The following EPB41L4A variants were observed in gnomAD, a reference collection of about 807,000 sequenced individuals.
The protein encoded by EPB41L4A is band 4.1-like protein 4A.
EPB41L4A carries 100 observed loss-of-function variants against 108.6 expected under a neutral mutation model. That is an observed-to-expected ratio of 0.92 (90% CI 0.78 to 1.09). EPB41L4A has a LOEUF of 1.09. Among genes scored for constraint, EPB41L4A ranks in the 50% least tolerant of loss-of-function variants. EPB41L4A has a pLI of 0.00. For synonymous variants in EPB41L4A, 319 were observed against 289.0 expected (o/e 1.10, Z -1.05); for missense variants, 1,030 against 842.7 (o/e 1.22, Z -2.75).
At chr5:112,232,128 A>AAAG (rs1554081818) in intron 12 of EPB41L4A, among the ~76,000 whole-genome samples, 3 of 145,322 alleles carry the variant, frequency 2.1e-5, no homozygotes, top group Non-Finnish European at 3.0e-5. Context: ...AAAAAAAAAA[A>AAAG]AGAGAGAGAG....
At chr5:112,391,224 T>C (rs375902422) in intron 1 of EPB41L4A, among the ~76,000 whole-genome samples, 1 of 152,150 alleles carries the variant, frequency 6.6e-6, no homozygotes, top group African/African-American at 2.4e-5. Context: ...GAGAATGACT[T>C]TGATGAGTTG....
upstream of EPB41L4A, chr5:112,419,598 A>G (rs1027869296): frequency 1.5e-5 from 7 of 454,676 alleles, no homozygotes; most frequent in South Asian, 7.8e-5. Context: ...TCCGCCGAGT[A>G]TGAAGCGCTC....
chr5:112,395,886 A>G (rs939995699), intron 1 of EPB41L4A, among the ~76,000 whole-genome samples: 1 of 152,356 alleles, frequency 6.6e-6, no homozygotes, highest in Non-Finnish European at 1.5e-5. Context: ...AAAATGTGGC[A>G]CATTATACAC....
At chr5:112,328,025 G>A (rs1029940349) in intron 1 of EPB41L4A, among the ~76,000 whole-genome samples, 2 of 152,172 alleles carry the variant, frequency 1.3e-5, no homozygotes, top group African/African-American at 4.8e-5. Context: ...TATTGGGGGA[G>A]AAGGCCGGAC....
rs374835800 is a variant in EPB41L4A at position 112,411,077 on chromosome 5, T to C, written c.99+7864A>G. The stretch of plus-strand genomic sequence containing the variant: ...TTTGCAATGGTATCTCCATAACTGG[T>C]GACCAAAGCATCTTTACTGATAGAG... On this transcript the variant is annotated intron_variant, in intron 1 of 22. Transcript: ENST00000261486. 1.8e-4 allele frequency among the ~76,000 whole-genome samples: 28 copies of C among 152,284 alleles called. 1 individual carries two copies. The highest frequency in any genetic ancestry group is 1.3e-3 in the East Asian group (7 of 5,188).
chr5:112,227,685 CA>C (rs1748567119), intron 12 of EPB41L4A, among the ~76,000 whole-genome samples: 1 of 152,220 alleles, frequency 6.6e-6, no homozygotes, highest in South Asian at 2.1e-4. Flanking sequence ...TTGACTGCCA[CA>C]AGCCACACTG....
rs566812322 is a variant in EPB41L4A, at chr5:112,373,679, T to C, written c.99+45262A>G. ...AGCCAGCAAGTGGCAGAGCCAGGGTTAGAACCCAGGAAGTCTGGCTGCAGT... is the reference window on the plus strand; with the variant it reads ...AGCCAGCAAGTGGCAGAGCCAGGGTCAGAACCCAGGAAGTCTGGCTGCAGT... On this transcript the variant is annotated intron_variant, in intron 1 of 22. Coordinates refer to ENST00000261486, the MANE Select transcript of EPB41L4A (RefSeq NM_022140.5). 7.2e-5 allele frequency among the ~76,000 whole-genome samples: 11 copies of C among 152,320 alleles called. No individual in the cohort carries two copies. In the South Asian group the frequency reaches 2.1e-3, roughly 29 times the overall value.
intron 11 of EPB41L4A, among the ~76,000 whole-genome samples, chr5:112,238,224 G>A (rs1171818216): frequency 6.6e-6 from 1 of 152,138 alleles, no homozygotes. Context: ...AACAGTCCAA[G>A]TACTGACTAT....
chr5:112,229,708 G>A (rs576404867), intron 12 of EPB41L4A, among the ~76,000 whole-genome samples: 11 of 152,186 alleles, frequency 7.2e-5, no homozygotes, highest in African/African-American at 2.4e-4. Context: ...CGGTCTCCAG[G>A]CCAGGCACGG....
At chr5:112,214,625 G>C (rs1229854853) in intron 12 of EPB41L4A, among the ~76,000 whole-genome samples, 1 of 152,174 alleles carries the variant, frequency 6.6e-6, no homozygotes, top group Non-Finnish European at 1.5e-5. Flanking sequence ...ATTTAGCCAG[G>C]TGTGGTGGTG....
chr5:112,404,245 T>A (rs1761951349), intron 1 of EPB41L4A, among the ~76,000 whole-genome samples: 1 of 152,232 alleles, frequency 6.6e-6, no homozygotes, highest in Non-Finnish European at 1.5e-5. Context: ...ATTTACCATG[T>A]TATCATGTGC....
intron 15 of EPB41L4A, among the ~76,000 whole-genome samples, chr5:112,199,041 T>A (rs749840214): frequency 1.3e-5 from 2 of 152,088 alleles, no homozygotes; most frequent in Non-Finnish European, 2.9e-5. Context: ...CTGGAGCCCT[T>A]TGGATGGTGC....
At chr5:112,282,271 A>G (rs1753010961) in intron 2 of EPB41L4A, among the ~76,000 whole-genome samples, 1 of 152,202 alleles carries the variant, frequency 6.6e-6, no homozygotes, top group Non-Finnish European at 1.5e-5. Context: ...CTTTACATAT[A>G]TAAAGCTGTG....
chr5:112,157,615 A>G (rs1325151344), intron 12 of EPB41L4A, among the ~76,000 whole-genome samples: 1 of 152,178 alleles, frequency 6.6e-6, no homozygotes. Flanking sequence ...AAAGCCAGCA[A>G]TGGAGGGTTG....
At chr5:112,199,699 G>A (rs1762128706) in intron 15 of EPB41L4A, among the ~76,000 whole-genome samples, 1 of 152,136 alleles carries the variant, frequency 6.6e-6, no homozygotes, top group Non-Finnish European at 1.5e-5. Flanking sequence ...AAGTCCTGAT[G>A]ATTCTACTTC....
Position 112,315,436 on chromosome 5 carries a change from C to A in EPB41L4A, c.100-7946G>T, listed in dbSNP as rs536440796. Among the ~76,000 whole-genome samples the A allele has an allele frequency of 9.5e-4, 144 of 152,282 alleles. 1 individual carries two copies. Among genetic ancestry groups the A allele is most frequent in the Non-Finnish European group, 1.2e-3 (79 of 68,022 alleles). ...AAGTTCACTGAATTAATACCAAGGG[C>A]CAATAACATGGTGTCTATAAATTGA... On this transcript the variant is annotated intron_variant, in intron 1 of 22. Coordinates refer to ENST00000261486, the MANE Select transcript of EPB41L4A (RefSeq NM_022140.5).
At chr5:112,157,096 A>C (rs540963726) in intron 12 of EPB41L4A, among the ~76,000 whole-genome samples, 44 of 152,198 alleles carry the variant, frequency 2.9e-4, no homozygotes, top group African/African-American at 1.1e-3. Flanking sequence ...CAGGAGAGAC[A>C]AATAGACCAG....
chr5:112,217,058 T>A (rs746556169), intron 12 of EPB41L4A, among the ~76,000 whole-genome samples: 14 of 151,746 alleles, frequency 9.2e-5, no homozygotes, highest in Non-Finnish European at 1.5e-4. Flanking sequence ...GATTCTACCA[T>A]CTCAGCCTCC....
intron 2 of EPB41L4A, among the ~76,000 whole-genome samples, chr5:112,286,698 C>A (rs1753306297): frequency 6.6e-6 from 1 of 152,110 alleles, no homozygotes. Context: ...AACATGGTTC[C>A]AGCAACCTTC....
Sources: allele counts gnomAD v4.1 joint callset (sites outside exome capture counted in the v4.1 genomes callset), GRCh38; gene constraint gnomAD v4.1.1; transcripts MANE v1.5; gene names NCBI Gene and HGNC (gene_info 2026-07-23, HGNC 2026-07-21).